GIPC2: variants seen among roughly 807,000 people sequenced by gnomAD.
GIPC2 encodes the protein GIPC PDZ domain containing family member 2.
A neutral mutation model predicts 30.6 loss-of-function variants in GIPC2; 30 were observed. The observed-to-expected ratio is 0.98, with a 90% confidence interval of 0.73 to 1.33. The LOEUF is 1.33. Ranked by LOEUF, GIPC2 falls within the 40% of genes most tolerant of loss-of-function variation. The pLI is 0.00. For missense variants in GIPC2, 414 were observed against 390.3 expected (o/e 1.06, Z -0.51); for synonymous variants, 167 against 150.0 (o/e 1.11, Z -0.83).
chr1:78,081,849 A>G (rs1327769030), intron 2 of GIPC2, among the ~76,000 whole-genome samples: 1 of 151,974 alleles, frequency 6.6e-6, no homozygotes, highest in African/African-American at 2.4e-5. Context: ...TTTTCTTTGT[A>G]TTTATTTTTT....
At chr1:78,135,548 T>G in intron 5 of GIPC2, 44 bp from the exon 6 acceptor site, 1 of 1,193,750 alleles carries the variant, frequency 8.4e-7, no homozygotes, top group Non-Finnish European at 1.2e-6. Flanking sequence ...AGTCCTTTGA[T>G]GCTATTTCAT....
chr1:78,127,487 G>C (rs948548435), intron 5 of GIPC2, among the ~76,000 whole-genome samples: 1 of 152,198 alleles, frequency 6.6e-6, no homozygotes, highest in Non-Finnish European at 1.5e-5. Flanking sequence ...TGGGGATTTG[G>C]CTATTACCTG....
At chr1:78,090,283 C>T (rs1341762127) in intron 2 of GIPC2, among the ~76,000 whole-genome samples, 1 of 152,198 alleles carries the variant, frequency 6.6e-6, no homozygotes, top group East Asian at 1.9e-4. Flanking sequence ...CAACCTCTGC[C>T]TCCTGGGTTC....
intron 3 of GIPC2, among the ~76,000 whole-genome samples, chr1:78,096,791 A>G (rs547673126): frequency 6.6e-6 from 1 of 152,316 alleles, no homozygotes; most frequent in African/African-American, 2.4e-5. Context: ...TAATAGAGGT[A>G]TATTATTTGA....
At chr1:78,107,695 C>T (rs777701936) in intron 3 of GIPC2, among the ~76,000 whole-genome samples, 7 of 151,422 alleles carry the variant, frequency 4.6e-5, no homozygotes, top group South Asian at 2.1e-4. Context: ...CATGGTGGCA[C>T]GCACCTGTAA....
intron 3 of GIPC2, among the ~76,000 whole-genome samples, chr1:78,097,134 G>T (rs1662152280): frequency 6.6e-6 from 1 of 152,208 alleles, no homozygotes; most frequent in Middle Eastern, 3.4e-3. Context: ...TATATCAGGG[G>T]GTACTTGGGG....
intron 1 of GIPC2, among the ~76,000 whole-genome samples, chr1:78,052,521 T>C (rs1379665172): frequency 6.6e-6 from 1 of 152,232 alleles, no homozygotes; most frequent in Admixed American, 6.5e-5. Context: ...TAATATCTTA[T>C]GTAGGTGTTA....
In GIPC2 at chr1:78,079,228, A is replaced by G. The variant is rs533038310; in HGVS notation, c.241-1447A>G. 5.3e-5 allele frequency among the ~76,000 whole-genome samples: 8 copies of G among 152,280 alleles called. No individual in the cohort carries two copies. In the East Asian group the frequency reaches 1.3e-3, roughly 26 times the overall value. On this transcript the variant is annotated intron_variant, in intron 1 of 5. Transcript: ENST00000370759. ...TTGGGGGGCCATAGTTGTTTCCTGT[A>G]GGCATTCACTGTTTTGTAGCCAGTG...
intron 1 of GIPC2, among the ~76,000 whole-genome samples, chr1:78,061,062 C>T (rs1037521986): frequency 6.6e-6 from 1 of 152,076 alleles, no homozygotes; most frequent in African/African-American, 2.4e-5. Flanking sequence ...AGTCCTTGTG[C>T]AAGGAGAGCT....
intron 3 of GIPC2, among the ~76,000 whole-genome samples, chr1:78,106,006 G>A (rs1276348306): frequency 6.6e-6 from 1 of 151,850 alleles, no homozygotes; most frequent in African/African-American, 2.4e-5. Flanking sequence ...AGGCTGAGGT[G>A]GGCGGATCAC....
intron 1 of GIPC2, among the ~76,000 whole-genome samples, chr1:78,053,768 C>CCA (rs1661239516): frequency 1.6e-5 from 2 of 127,976 alleles, no homozygotes; most frequent in Non-Finnish European, 1.6e-5. Context: ...AAAAAAAAGC[C>CCA]AAAAAAAAAA....
At chr1:78,048,217 C>T (rs1270276247) in intron 1 of GIPC2, among the ~76,000 whole-genome samples, 2 of 152,084 alleles carry the variant, frequency 1.3e-5, no homozygotes, top group Admixed American at 1.3e-4. Flanking sequence ...TAACACTTCT[C>T]ATCATTATAT....
intron 1 of GIPC2, among the ~76,000 whole-genome samples, chr1:78,052,110 T>C (rs1661208784): frequency 1.3e-5 from 2 of 152,160 alleles, no homozygotes; most frequent in African/African-American, 4.8e-5. Flanking sequence ...GCTGGAGCCT[T>C]AAGACTTTTG....
chr1:78,110,933 G>C (rs524031), intron 3 of GIPC2, among the ~76,000 whole-genome samples: 49,425 of 152,018 alleles, frequency 0.33, 9,274 homozygotes, highest in East Asian at 0.61. Flanking sequence ...TGAATCAATC[G>C]CTAAGATTCA....
intron 1 of GIPC2, among the ~76,000 whole-genome samples, chr1:78,066,366 T>C (rs1397621310): frequency 6.6e-6 from 1 of 152,162 alleles, no homozygotes; most frequent in Non-Finnish European, 1.5e-5. Flanking sequence ...ATAGTTATTA[T>C]TAAAAAGTCA....
chr1:78,124,600 T>C (rs1557550893), intron 4 of GIPC2, among the ~76,000 whole-genome samples: 1 of 152,348 alleles, frequency 6.6e-6, no homozygotes, highest in East Asian at 1.9e-4. Context: ...TCCAGCTACA[T>C]GGGACTTCTG....
At chr1:78,128,753 A>G (rs1289581650) in intron 5 of GIPC2, among the ~76,000 whole-genome samples, 2 of 144,680 alleles carry the variant, frequency 1.4e-5, no homozygotes, top group Non-Finnish European at 3.0e-5. Context: ...CCTAACCCTA[A>G]CCCTAACCCT....
intron 3 of GIPC2, among the ~76,000 whole-genome samples, chr1:78,101,619 A>G (rs1466434153): frequency 1.3e-5 from 2 of 152,180 alleles, no homozygotes; most frequent in Non-Finnish European, 2.9e-5. Context: ...TGAATGGGAA[A>G]TCTTTCCCAT....
intron 3 of GIPC2, among the ~76,000 whole-genome samples, chr1:78,105,068 G>C (rs192918462): frequency 1.4e-4 from 21 of 152,242 alleles, no homozygotes; most frequent in African/African-American, 5.1e-4. Context: ...AGTGCTGAGT[G>C]TAATTGATAA....
Sources: allele counts gnomAD v4.1 joint callset (sites outside exome capture counted in the v4.1 genomes callset), GRCh38; gene constraint gnomAD v4.1.1; transcripts MANE v1.5; gene names NCBI Gene and HGNC (gene_info 2026-07-23, HGNC 2026-07-21).